The following KNTC1 variants were observed in gnomAD, a reference collection of about 807,000 sequenced individuals.
The protein encoded by KNTC1 is kinetochore-associated protein 1.
In KNTC1, 253 loss-of-function variants were observed where a neutral mutation model predicts 314.4. That is an observed-to-expected ratio of 0.80 (90% CI 0.73 to 0.89). The LOEUF (loss-of-function observed/expected upper bound fraction) is 0.89, where lower values mean the gene tolerates loss of function less well. Ranked by LOEUF, KNTC1 falls within the 40% of genes least tolerant of loss-of-function variation. KNTC1 has a pLI of 0.00. For synonymous variants in KNTC1, 901 were observed against 901.4 expected (o/e 1.00, Z 0.01); for missense variants, 2,475 against 2,572.9 (o/e 0.96, Z 0.82).
chr12:122,533,489 G>T lies in KNTC1; in HGVS notation c.130-1175G>T, dbSNP rs187847877. ...ATGGAAGGATCGTTTGAGTCCAGGA[G>T]TTCTAGACCAGCCTGGCCAACACAG... On this transcript the variant is annotated intron_variant, in intron 2 of 63. Coordinates refer to ENST00000333479, the MANE Select transcript of KNTC1 (RefSeq NM_014708.6). Among the ~76,000 whole-genome samples the T allele has an allele frequency of 1.9e-3, 286 of 152,230 alleles. 4 individuals are homozygous for T. Among genetic ancestry groups the T allele is most frequent in the African/African-American group, 6.6e-3 (276 of 41,530 alleles).
intron 10 of KNTC1, among the ~76,000 whole-genome samples, chr12:122,547,097 G>A (rs529538395): frequency 2.0e-4 from 31 of 151,694 alleles, no homozygotes; most frequent in Admixed American, 5.3e-4. Flanking sequence ...GCCTCCCAAA[G>A]TGCTGGGATT....
chr12:122,533,586 A>G (rs1236552182), intron 2 of KNTC1, among the ~76,000 whole-genome samples: 1 of 152,090 alleles, frequency 6.6e-6, no homozygotes, highest in African/African-American at 2.4e-5. Context: ...AGTCCCAGCT[A>G]CTTGGGTTGG....
Position 122,605,402 on chromosome 12 carries a change from CA to C in KNTC1, c.5487del (p.Lys1829AsnfsTer48). On this transcript the variant is annotated frameshift_variant, in exon 51 of 64. Transcript: ENST00000333479. LOFTEE classifies it high-confidence loss of function. The part of the protein sequence containing the change: ...MLLEKWLCPS[T>X]KPGEKPSELF... The stretch of plus-strand genomic sequence containing the variant: ...TTGGAAAAATGGCTATGCCCTTCAA[CA>C]AAACCTGGTGAAGTAAGTACTTGCT... 1 of 1,582,272 alleles carries C rather than the reference CA, an allele frequency of 6.3e-7. No individual in the cohort carries two copies. The highest frequency in any genetic ancestry group is 2.3e-5 in the East Asian group (1 of 44,334).
chr12:122,583,002 C>G lies in KNTC1; in HGVS notation c.3263+17C>G. 1.3e-6 allele frequency: 2 copies of G among 1,590,446 alleles called. No individual in the cohort carries two copies. Among genetic ancestry groups the G allele is most frequent in the South Asian group, 2.3e-5 (2 of 88,662 alleles). Reference sequence around the variant, plus strand: ...AAAATGCAGGTGACATTCCAGATCCCTGAATTGCATAGCTTCTCTGAAATT... The same window carrying G: ...AAAATGCAGGTGACATTCCAGATCCGTGAATTGCATAGCTTCTCTGAAATT... On this transcript the variant is annotated intron_variant, in intron 34 of 63. Coordinates refer to ENST00000333479, the MANE Select transcript of KNTC1 (RefSeq NM_014708.6).
intron 63 of KNTC1, 189 bp downstream of exon 63, chr12:122,624,877 A>G: frequency 3.6e-6 from 2 of 561,364 alleles, no homozygotes; most frequent in Non-Finnish European, 6.5e-6. Flanking sequence ...TTCTAATCTC[A>G]GCCCTGCCAC....
intron 14 of KNTC1, 30 bp downstream of exon 14, chr12:122,551,392 A>G (rs1229080312): frequency 6.3e-7 from 1 of 1,579,974 alleles, no homozygotes; most frequent in African/African-American, 1.3e-5. Context: ...GTTAAGTAAT[A>G]GCTATGTTAA....
intron 39 of KNTC1, among the ~76,000 whole-genome samples, chr12:122,588,430 T>C (rs1190373107): frequency 6.6e-6 from 1 of 152,220 alleles, no homozygotes; most frequent in Non-Finnish European, 1.5e-5. Flanking sequence ...TTTAATGAAC[T>C]GTATTGAGGT....
chr12:122,559,924 A>G (rs1432101895), intron 18 of KNTC1, among the ~76,000 whole-genome samples: 3 of 152,176 alleles, frequency 2.0e-5, no homozygotes, highest in African/African-American at 4.8e-5. Context: ...TCATAATCAC[A>G]TTCGGCCATC....
intron 13 of KNTC1, among the ~76,000 whole-genome samples, chr12:122,550,429 A>G (rs12819165): frequency 0.23 from 34,180 of 151,298 alleles, 4,098 homozygotes; most frequent in East Asian, 0.46. Context: ...AATTGGGCCA[A>G]TTACTTTAAA....
rs768568451 is a variant in KNTC1 at position 122,586,754 on chromosome 12, G to A, written c.3727G>A (p.Glu1243Lys). Reference protein sequence around the residue: ...STSLPYCSLNEGDGLVLPVIN... With the variant: ...STSLPYCSLNKGDGLVLPVIN... The stretch of plus-strand genomic sequence containing the variant: ...CAGTTTGCCATACTGCTCCCTTAAT[G>A]AAGGTATTTGGCACAAGAAATATAT... Residue 1243 changes from glutamate to lysine, a missense_variant, in exon 38 of 64, where the codon GAA becomes AAA. Glu to Lys is a moderately conservative substitution (Grantham distance 56). Coordinates refer to ENST00000333479, the MANE Select transcript of KNTC1 (RefSeq NM_014708.6). 7.2e-7 allele frequency: 1 copy of A among 1,397,758 alleles called. No individual in the cohort carries two copies. 86.6% of individuals were successfully genotyped at this position (1,397,758 alleles called of 1,614,324 possible). A position where few individuals can be genotyped will look rare whatever the true frequency, so the allele number is the denominator to read the frequency against.
chr12:122,581,608 T>A (rs1226736056), intron 33 of KNTC1, among the ~76,000 whole-genome samples: 2 of 151,946 alleles, frequency 1.3e-5, no homozygotes, highest in African/African-American at 4.8e-5. Context: ...GATTCTCCTG[T>A]CTCAGCCTCT....
chr12:122,597,035 C>T (rs1454247552), intron 43 of KNTC1, among the ~76,000 whole-genome samples: 2 of 151,902 alleles, frequency 1.3e-5, no homozygotes, highest in Non-Finnish European at 2.9e-5. Flanking sequence ...GATGTGTAGG[C>T]ACTTATAGAT....
chr12:122,597,660 GT>G, intron 43 of KNTC1, 70 bp from the exon 44 acceptor site: 2 of 1,289,652 alleles, frequency 1.6e-6, no homozygotes, highest in African/African-American at 2.9e-5. Context: ...GTACCCAAGT[GT>G]TTTGTCAGAT....
intron 51 of KNTC1, among the ~76,000 whole-genome samples, chr12:122,608,210 A>G (rs1238286975): frequency 6.6e-6 from 1 of 152,124 alleles, no homozygotes; most frequent in Non-Finnish European, 1.5e-5. Flanking sequence ...CCCCGGCTCA[A>G]GTGATTGTCA....
At chr12:122,566,871 G>A (rs930901256) in intron 20 of KNTC1, among the ~76,000 whole-genome samples, 3 of 140,572 alleles carry the variant, frequency 2.1e-5, no homozygotes, top group African/African-American at 7.9e-5. Flanking sequence ...TGCCACCCAA[G>A]TAGCTGGGAT....
intron 38 of KNTC1, 23 bp from the exon 39 acceptor site, chr12:122,587,688 T>G (rs201430535): frequency 1.9e-6 from 3 of 1,568,832 alleles, no homozygotes; most frequent in Non-Finnish European, 2.6e-6. Context: ...ATCTAAATAT[T>G]AAAATCCTTT....
chr12:122,586,516 G>C (rs905307926), intron 37 of KNTC1, among the ~76,000 whole-genome samples, 185 bp from the exon 38 acceptor site: 3 of 152,128 alleles, frequency 2.0e-5, no homozygotes, highest in Non-Finnish European at 2.9e-5. Context: ...TTTTATAATA[G>C]TGAAATATTT....
At position 122,579,961 on chromosome 12, in the gene KNTC1, A is replaced by T. The variant is rs1374806111; in HGVS notation, c.2898A>T (p.Leu966=). 1 of 1,606,826 alleles carries T rather than the reference A, an allele frequency of 6.2e-7. No individual in the cohort carries two copies. The highest frequency in any genetic ancestry group is 8.5e-7 in the Non-Finnish European group (1 of 1,173,632). ...CATCCGTGGACATTCTTAAGATACTATGTGACATTCAGAAAGGTAGCTTTT... is the reference window on the plus strand; with the variant it reads ...CATCCGTGGACATTCTTAAGATACTTTGTGACATTCAGAAAGGTAGCTTTT... The part of the protein sequence containing the change: ...AKTSVDILKI[L]CDIQKDNLQK... Residue 966 remains leucine, a synonymous_variant, in exon 32 of 64, where the codon CTA becomes CTT. Transcript: ENST00000333479.
At chr12:122,609,711 C>G (rs1165735345) in intron 52 of KNTC1, among the ~76,000 whole-genome samples, 2 of 152,000 alleles carry the variant, frequency 1.3e-5, no homozygotes, top group East Asian at 1.9e-4. Context: ...TCTTTCTTAG[C>G]TAGGACTTTG....
Sources: gnomAD v4.1 joint callset for allele counts (sites outside exome capture counted in the v4.1 genomes callset) on GRCh38, gnomAD v4.1.1 for gene constraint, MANE v1.5 for transcripts, NCBI Gene and HGNC (gene_info 2026-07-23, HGNC 2026-07-21) for gene names.